Variants in FBXL2 observed in about 807,000 individuals in gnomAD.
The protein encoded by FBXL2 is F-box/LRR-repeat protein 2.
FBXL2 carries 38 observed loss-of-function variants against 69.2 expected under a neutral mutation model. The ratio of observed to expected loss-of-function variants is 0.55; its 90% CI spans 0.42 to 0.72. The LOEUF (loss-of-function observed/expected upper bound fraction) is 0.72. Ranked by LOEUF, FBXL2 falls within the 30% of genes least tolerant of loss-of-function variation. The pLI is 0.00. For missense variants in FBXL2, 354 were observed against 520.3 expected (o/e 0.68, Z 3.11); for synonymous variants, 192 against 201.3 (o/e 0.95, Z 0.39).
chr3:33,416,850 G>A, the FBXL2 span: 1 of 1,605,692 alleles, frequency 6.2e-7, no homozygotes, highest in East Asian at 2.2e-5. Context: ...TAAAGAAATT[G>A]TGTATAAAAA....
At chr3:33,419,673 C>G in the FBXL2 span, among the ~76,000 whole-genome samples, 12 of 151,300 alleles carry the variant, frequency 7.9e-5, no homozygotes, top group Non-Finnish European at 1.5e-4. Context: ...CTCTATAACA[C>G]TTGCTACGCT....
At chr3:33,327,516 C>G (rs2038794602) in intron 2 of FBXL2, among the ~76,000 whole-genome samples, 1 of 152,108 alleles carries the variant, frequency 6.6e-6, no homozygotes, top group Non-Finnish European at 1.5e-5. Flanking sequence ...GCACAAACTT[C>G]CAGTTTTACA....
intron 4 of FBXL2, 31 bp downstream of exon 4, chr3:33,359,388 T>C (rs758247303): frequency 3.9e-6 from 6 of 1,547,274 alleles, no homozygotes; most frequent in Non-Finnish European, 5.3e-6. Flanking sequence ...ACAAAAAACT[T>C]TTTAAAAATA....
At chr3:33,422,104 T>C in the FBXL2 span, among the ~76,000 whole-genome samples, 4 of 152,302 alleles carry the variant, frequency 2.6e-5, no homozygotes, top group African/African-American at 2.4e-5. Flanking sequence ...GAGCTGAAGA[T>C]ACTTTGCTAG....
chr3:33,282,575 T>C lies in FBXL2; in HGVS notation c.3+5060T>C, dbSNP rs185257294. Among the ~76,000 whole-genome samples the C allele has an allele frequency of 3.0e-4, 45 of 152,320 alleles. 1 individual carries two copies. Among genetic ancestry groups the C allele is most frequent in the African/African-American group, 1.0e-3 (42 of 41,576 alleles). On this transcript the variant is annotated intron_variant, in intron 1 of 14. Coordinates refer to ENST00000484457, the MANE Select transcript of FBXL2 (RefSeq NM_012157.5). ...AAACTTTAAAGTAGTTTTTTCCAAT[T>C]CTGTGAAGAAAGTCATTGGTAGCTT...
intron 1 of FBXL2, among the ~76,000 whole-genome samples, chr3:33,296,175 C>G (rs2125711898): frequency 6.6e-6 from 1 of 152,280 alleles, no homozygotes; most frequent in South Asian, 2.1e-4. Flanking sequence ...AAGCTATTCT[C>G]CCACCTCAGC....
intron 5 of FBXL2, 106 bp from the exon 6 acceptor site, chr3:33,372,986 T>G: frequency 1.1e-6 from 1 of 925,808 alleles, no homozygotes; most frequent in Non-Finnish European, 1.8e-6. Context: ...GTTACGCGCT[T>G]TAATTAAGTT....
At chr3:33,385,345 C>T (rs1054339180) in intron 14 of FBXL2, among the ~76,000 whole-genome samples, 156 bp from the exon 15 acceptor site, 1 of 151,934 alleles carries the variant, frequency 6.6e-6, no homozygotes, top group African/African-American at 2.4e-5. Flanking sequence ...GCAGACGGTG[C>T]GGGGAGTAAC....
At chr3:33,411,089 A>C in the FBXL2 span, among the ~76,000 whole-genome samples, 4 of 151,876 alleles carry the variant, frequency 2.6e-5, no homozygotes, top group African/African-American at 9.7e-5. Flanking sequence ...AAAAAAAAAA[A>C]AGTGCTCCAA....
chr3:33,335,192 C>T lies in FBXL2; in HGVS notation c.66-23775C>T, dbSNP rs547333388. On this transcript the variant is annotated intron_variant, in intron 2 of 14. Transcript: ENST00000484457. ...TTATATATATATTCAAAATTCTCTT[C>T]TAAAAATAAAAGCTTTTTAGGTGAA... is the stretch of plus-strand genomic sequence containing the variant. 4.2e-4 allele frequency among the ~76,000 whole-genome samples: 63 copies of T among 151,364 alleles called. 1 individual carries two copies. The Middle Eastern group carries it at 0.014, about 33-fold the overall frequency.
At chr3:33,279,245 A>G (rs1419329552) in intron 1 of FBXL2, among the ~76,000 whole-genome samples, 4 of 151,604 alleles carry the variant, frequency 2.6e-5, no homozygotes, top group Admixed American at 2.0e-4. Flanking sequence ...AAGCGGCTGC[A>G]TATATATGTC....
intron 13 of FBXL2, among the ~76,000 whole-genome samples, chr3:33,379,349 A>G (rs28434559): frequency 0.078 from 11,892 of 152,028 alleles, 541 homozygotes; most frequent in South Asian, 0.11. Flanking sequence ...ATAAGACAGT[A>G]AAACATTTTA....
At chr3:33,390,631 A>T, downstream of FBXL2, 1 of 527,096 alleles carries the variant, frequency 1.9e-6, no homozygotes, top group South Asian at 2.2e-5. Flanking sequence ...TTCTGGGGGT[A>T]GGGGGACATC....
At chr3:33,335,503 G>A (rs1157427224) in intron 2 of FBXL2, among the ~76,000 whole-genome samples, 1 of 152,190 alleles carries the variant, frequency 6.6e-6, no homozygotes, top group Admixed American at 6.5e-5. Context: ...TTGCACTACT[G>A]CACTCCAGCC....
chr3:33,365,176 C>T (rs1005365866), intron 5 of FBXL2, among the ~76,000 whole-genome samples: 7 of 152,074 alleles, frequency 4.6e-5, no homozygotes, highest in African/African-American at 1.4e-4. Flanking sequence ...ATTTTGCTTA[C>T]TCATAATGAG....
intron 2 of FBXL2, among the ~76,000 whole-genome samples, chr3:33,331,617 G>T (rs967282616): frequency 2.6e-5 from 4 of 152,148 alleles, no homozygotes; most frequent in African/African-American, 9.7e-5. Flanking sequence ...ATGCTAGAAG[G>T]ATGAAACCTT....
intron 2 of FBXL2, among the ~76,000 whole-genome samples, chr3:33,351,264 CA>C (rs1294714883): frequency 6.7e-6 from 1 of 150,304 alleles, no homozygotes; most frequent in Non-Finnish European, 1.5e-5. Flanking sequence ...GATTCTGTCT[CA>C]AAAAAATAAA....
At chr3:33,313,418 A>G (rs1453670232) in intron 2 of FBXL2, among the ~76,000 whole-genome samples, 1 of 152,096 alleles carries the variant, frequency 6.6e-6, no homozygotes, top group Non-Finnish European at 1.5e-5. Flanking sequence ...CAAAACAAAC[A>G]TCAGATTCTA....
chr3:33,363,723 C>G (rs2041781443), intron 4 of FBXL2, among the ~76,000 whole-genome samples: 1 of 152,180 alleles, frequency 6.6e-6, no homozygotes, highest in Non-Finnish European at 1.5e-5. Context: ...TCCACACATA[C>G]TCTTTCTTAC....
Sources: gnomAD v4.1 joint callset for allele counts (sites outside exome capture counted in the v4.1 genomes callset) on GRCh38, gnomAD v4.1.1 for gene constraint, MANE v1.5 for transcripts, NCBI Gene and HGNC (gene_info 2026-07-23, HGNC 2026-07-21) for gene names.